REEP5: variants seen among roughly 807,000 people sequenced by gnomAD.
REEP5 encodes receptor accessory protein 5.
REEP5 carries 24 observed loss-of-function variants against 22.4 expected under a neutral mutation model. That is an observed-to-expected ratio of 1.07 (90% CI 0.78 to 1.51). REEP5 has a LOEUF of 1.51. Among genes scored for constraint, REEP5 ranks in the 40% most tolerant of loss-of-function variants. REEP5 has a pLI of 0.00. For missense variants in REEP5, 252 were observed against 233.0 expected (o/e 1.08, Z -0.53); for synonymous variants, 103 against 88.6 (o/e 1.16, Z -0.92).
At chr5:112,891,788 A>G (rs777874542) in intron 3 of REEP5, 3 of 1,609,180 alleles carry the variant, frequency 1.9e-6, no homozygotes, top group Admixed American at 1.7e-5. Flanking sequence ...GGACTCTCAC[A>G]GGAGGAGGAA....
intron 4 of REEP5, among the ~76,000 whole-genome samples, chr5:112,884,079 A>ACCC (rs1214348986): frequency 6.6e-6 from 1 of 152,196 alleles, no homozygotes; most frequent in African/African-American, 2.4e-5. Flanking sequence ...TTCCTGCCTT[A>ACCC]CCCCTTCAGT....
intron 3 of REEP5, chr5:112,896,001 T>G (rs1231429149): frequency 6.6e-6 from 1 of 152,446 alleles, no homozygotes; most frequent in African/African-American, 2.4e-5. Flanking sequence ...CCGTCTGTGC[T>G]TCTAATGCTG....
chr5:112,903,835 A>C (rs1425976166), intron 2 of REEP5, among the ~76,000 whole-genome samples: 1 of 152,214 alleles, frequency 6.6e-6, no homozygotes, highest in Non-Finnish European at 1.5e-5. Flanking sequence ...CTTCAAGACT[A>C]GGCAAAATTT....
At chr5:112,879,621 T>C (rs896949725) in intron 4 of REEP5, among the ~76,000 whole-genome samples, 7 of 152,024 alleles carry the variant, frequency 4.6e-5, no homozygotes, top group East Asian at 3.9e-4. Flanking sequence ...CTACATGCAC[T>C]CACCACCACG....
chr5:112,908,465 TA>T (rs1769012882), intron 2 of REEP5, among the ~76,000 whole-genome samples: 1 of 152,162 alleles, frequency 6.6e-6, no homozygotes, highest in African/African-American at 2.4e-5. Context: ...GAGGCTTTGT[TA>T]AAAATAAACA....
chr5:112,892,172 C>A (rs1277565765), intron 3 of REEP5: 12 of 1,614,006 alleles, frequency 7.4e-6, no homozygotes, highest in Non-Finnish European at 1.0e-5. Flanking sequence ...GCTAATTGTC[C>A]CTTCTACAGT....
chr5:112,880,297 C>G lies in REEP5; in HGVS notation c.521-1462G>C, dbSNP rs916422020. On this transcript the variant is annotated intron_variant, in intron 4 of 4. Coordinates refer to ENST00000379638, the MANE Select transcript of REEP5 (RefSeq NM_005669.5). The stretch of plus-strand genomic sequence containing the variant: ...TTCTTACTTCTGCAGGAGACCAAGC[C>G]TTCCACTTTCTAATTACCAAGTGGC... 2.6e-5 allele frequency among the ~76,000 whole-genome samples: 4 copies of G among 152,172 alleles called. No individual in the cohort carries two copies. In the East Asian group the frequency reaches 7.7e-4, roughly 29 times the overall value.
chr5:112,914,633 G>T (rs1769192000), intron 2 of REEP5, among the ~76,000 whole-genome samples: 1 of 152,148 alleles, frequency 6.6e-6, no homozygotes, highest in Non-Finnish European at 1.5e-5. Flanking sequence ...GTGTCAGATT[G>T]GTATCATAAA....
intron 2 of REEP5, 50 bp downstream of exon 2, chr5:112,921,113 G>C (rs568639529): frequency 5.1e-6 from 8 of 1,561,226 alleles, no homozygotes; most frequent in South Asian, 2.2e-5. Flanking sequence ...GCAGCCCTGC[G>C]GGGAGGAATG....
intron 2 of REEP5, among the ~76,000 whole-genome samples, chr5:112,910,804 T>A (rs1769087071): frequency 1.3e-5 from 2 of 152,180 alleles, no homozygotes; most frequent in South Asian, 4.1e-4. Flanking sequence ...TCCTTGCCTA[T>A]CAATTAGCCA....
chr5:112,909,187 G>C (rs1242095205), intron 2 of REEP5, among the ~76,000 whole-genome samples: 2 of 148,702 alleles, frequency 1.3e-5, no homozygotes, highest in Non-Finnish European at 3.0e-5. Context: ...CTAGATATAT[G>C]ACCCTGGGCA....
intron 2 of REEP5, among the ~76,000 whole-genome samples, chr5:112,902,854 C>T (rs1768880585): frequency 1.3e-5 from 2 of 152,196 alleles, no homozygotes; most frequent in Admixed American, 1.3e-4. Context: ...CAAGCTGGGT[C>T]CTGCCACGAG....
intron 3 of REEP5, chr5:112,893,944 T>C (rs1267998264): frequency 7.0e-6 from 1 of 142,042 alleles, no homozygotes; most frequent in African/African-American, 2.9e-5. Flanking sequence ...ACCTTGGTTT[T>C]TTTGAGATAC....
intron 3 of REEP5, 54 bp from the exon 4 acceptor site, chr5:112,887,237 T>G: frequency 6.8e-7 from 1 of 1,460,956 alleles, no homozygotes; most frequent in Non-Finnish European, 9.2e-7. Flanking sequence ...GGGCACATTC[T>G]GAGAATACAC....
At chr5:112,921,839 G>A in intron 1 of REEP5, 1 of 415,504 alleles carries the variant, frequency 2.4e-6, no homozygotes, top group South Asian at 3.2e-5. Flanking sequence ...CCAGCTGCCA[G>A]CGCCCGGCGC....
chr5:112,906,547 T>C (rs933022654), intron 2 of REEP5, among the ~76,000 whole-genome samples: 3 of 152,134 alleles, frequency 2.0e-5, no homozygotes, highest in African/African-American at 7.2e-5. Context: ...ATAGTCTCAG[T>C]GTCCAGATCC....
intron 2 of REEP5, among the ~76,000 whole-genome samples, chr5:112,919,394 T>C (rs918696939): frequency 1.4e-5 from 2 of 147,288 alleles, no homozygotes; most frequent in African/African-American, 5.0e-5. Context: ...CTAAAAATAC[T>C]AAAATTACTC....
At chr5:112,904,396 G>T (rs1324372367) in intron 2 of REEP5, among the ~76,000 whole-genome samples, 1 of 152,032 alleles carries the variant, frequency 6.6e-6, no homozygotes, top group African/African-American at 2.4e-5. Context: ...TTAATTATTA[G>T]TATAATAAAA....
chr5:112,882,573 G>A (rs1015916790), intron 4 of REEP5, among the ~76,000 whole-genome samples: 3 of 152,218 alleles, frequency 2.0e-5, no homozygotes, highest in East Asian at 1.9e-4. Flanking sequence ...ATTCATGAAC[G>A]CAAATCTCAA....
Sources: allele counts gnomAD v4.1 joint callset (sites outside exome capture counted in the v4.1 genomes callset), GRCh38; gene constraint gnomAD v4.1.1; transcripts MANE v1.5; gene names NCBI Gene and HGNC (gene_info 2026-07-23, HGNC 2026-07-21).